Variants in RELN observed in about 807,000 individuals in gnomAD.
RELN encodes reelin.
In RELN, 108 loss-of-function variants were observed where a neutral mutation model predicts 427.6. That is an observed-to-expected ratio of 0.25 (90% CI 0.22 to 0.30). The LOEUF is 0.30. RELN is among the 10% of genes least tolerant of loss of function. RELN has a pLI of 1.00. For synonymous variants in RELN, 1,524 were observed against 1,513.4 expected, an observed-to-expected ratio of 1.01 and a Z score of -0.16; for missense variants, 3,715 against 4,302.8, an observed-to-expected ratio of 0.86 and a Z score of 3.82.
intron 2 of RELN, among the ~76,000 whole-genome samples, chr7:103,892,302 G>A (rs2116594619): frequency 6.6e-6 from 1 of 152,234 alleles, no homozygotes; most frequent in African/African-American, 2.4e-5. Context: ...AAACACCCAT[G>A]ATGGGCTGAT....
At chr7:103,678,905 G>C (rs1833595857) in intron 11 of RELN, among the ~76,000 whole-genome samples, 1 of 152,252 alleles carries the variant, frequency 6.6e-6, no homozygotes, top group South Asian at 2.1e-4. Context: ...TTGTGTGGGT[G>C]GTGGTGGATG....
intron 19 of RELN, among the ~76,000 whole-genome samples, chr7:103,633,347 G>A (rs1211533728): frequency 6.6e-6 from 1 of 151,734 alleles, no homozygotes; most frequent in East Asian, 1.9e-4. Flanking sequence ...TACATGGTTT[G>A]TATTATTTAT....
chr7:103,732,719 A>G (rs1790386009), intron 6 of RELN, among the ~76,000 whole-genome samples: 3 of 152,166 alleles, frequency 2.0e-5, no homozygotes, highest in South Asian at 2.1e-4. Context: ...ACTTAAATGC[A>G]TAAGTGCTCT....
intron 3 of RELN, among the ~76,000 whole-genome samples, chr7:103,783,196 A>C (rs1370441612): frequency 3.6e-5 from 5 of 139,240 alleles, no homozygotes; most frequent in Non-Finnish European, 7.6e-5. Flanking sequence ...AAGTCTCACT[A>C]TGTCACCCAG....
At chr7:103,823,131 G>A (rs1416469120) in intron 3 of RELN, among the ~76,000 whole-genome samples, 2 of 151,814 alleles carry the variant, frequency 1.3e-5, no homozygotes, top group Non-Finnish European at 2.9e-5. Context: ...TACTTATTTT[G>A]TCTGATATTA....
intron 1 of RELN, among the ~76,000 whole-genome samples, chr7:103,935,556 T>A (rs868420629): frequency 6.6e-6 from 1 of 152,086 alleles, no homozygotes; most frequent in Non-Finnish European, 1.5e-5. Flanking sequence ...TATTCCTACT[T>A]CCAGGCAGTT....
In RELN at chr7:103,909,752, T is replaced by TTAA. The variant is rs1554441070; in HGVS notation, c.337+7322_337+7323insTTA. Among the ~76,000 whole-genome samples the TTAA allele has an allele frequency of 6.8e-4, 61 of 89,738 alleles. 5 individuals are homozygous for TTAA. Among genetic ancestry groups the TTAA allele is most frequent in the Non-Finnish European group, 7.6e-4 (41 of 54,260 alleles). The allele number at this position is 89,738 out of a possible 152,430, so 58.9% of individuals were successfully genotyped here. ...ATTTTTTAATATATATAAATATATA[T>TTAA]ATTAAATATATATATTTAATATATA... On this transcript the variant is annotated intron_variant, in intron 2 of 64. Coordinates refer to ENST00000428762, the MANE Select transcript of RELN (RefSeq NM_005045.4).
intron 64 of RELN, among the ~76,000 whole-genome samples, chr7:103,473,379 C>T (rs1827923292): frequency 1.3e-5 from 2 of 152,140 alleles, no homozygotes; most frequent in African/African-American, 4.8e-5. Context: ...AAGAAACAGA[C>T]TGTTAGCTGG....
At chr7:103,546,249 T>G (rs1830294756) in intron 41 of RELN, among the ~76,000 whole-genome samples, 1 of 152,248 alleles carries the variant, frequency 6.6e-6, no homozygotes, top group South Asian at 2.1e-4. Context: ...ATAGAATATG[T>G]GACCTTTTGT....
chr7:103,745,936 CA>C (rs1562987459), intron 6 of RELN, among the ~76,000 whole-genome samples: 1 of 152,134 alleles, frequency 6.6e-6, no homozygotes, highest in African/African-American at 2.4e-5. Context: ...CATATGGAAC[CA>C]AAAAAGAGCT....
intron 2 of RELN, among the ~76,000 whole-genome samples, chr7:103,898,467 A>G (rs1189805418): frequency 6.6e-6 from 1 of 152,056 alleles, no homozygotes; most frequent in East Asian, 1.9e-4. Flanking sequence ...AGATTCACAA[A>G]AGCAAAATAA....
intron 2 of RELN, among the ~76,000 whole-genome samples, chr7:103,890,208 T>C (rs1393276546): frequency 6.6e-6 from 1 of 152,130 alleles, no homozygotes; most frequent in Non-Finnish European, 1.5e-5. Flanking sequence ...CTTTTTTTTT[T>C]TTTTTTAAGG....
At chr7:103,937,820 G>T (rs562436222) in intron 1 of RELN, among the ~76,000 whole-genome samples, 1 of 152,142 alleles carries the variant, frequency 6.6e-6, no homozygotes, top group Non-Finnish European at 1.5e-5. Context: ...TTAGCTGTTC[G>T]TGTAACACAA....
In RELN at chr7:103,706,320, G is replaced by C. The variant is rs78055454; in HGVS notation, c.806-5314C>G. Among the ~76,000 whole-genome samples, 613 of 152,220 alleles carry C rather than the reference G, an allele frequency of 4.0e-3. 1 individual carries two copies. Among genetic ancestry groups the C allele is most frequent in the African/African-American group, 0.014 (595 of 41,514 alleles). ...AGGTCTATACAATTGCTAGAGTGGA[G>C]TTAGAAATTTAATTGTGCAGTTCCA... On this transcript the variant is annotated intron_variant, in intron 8 of 64. Transcript: ENST00000428762.
At chr7:103,792,020 A>G (rs1203682161) in intron 3 of RELN, among the ~76,000 whole-genome samples, 1 of 152,228 alleles carries the variant, frequency 6.6e-6, no homozygotes, top group Non-Finnish European at 1.5e-5. Flanking sequence ...GAAATGAAAT[A>G]CCATTCTACT....
rs1391728645 is a variant in RELN at position 103,535,410 on chromosome 7, C to T, written c.7255G>A (p.Val2419Met). Reference protein sequence around the residue: ...PLVRDCLPTNVECSRYHLQRI... With the variant: ...PLVRDCLPTNMECSRYHLQRI... ...TGCAGATGATAGCGACTGCATTCCA[C>T]ATTGGTAGGCAGACAGTCCCTTACC... Residue 2419 changes from valine (V) to methionine (M), a missense_variant, in exon 46 of 65, where the codon GTG (valine) becomes ATG (methionine). Around this residue, in one of 4 missense-constraint regions of RELN, gnomAD observed 1,310 missense variants for 1,643.0 expected, o/e 0.80. Coordinates refer to ENST00000428762, the MANE Select transcript of RELN (RefSeq NM_005045.4). 1 of 1,613,952 alleles carries T rather than the reference C, an allele frequency of 6.2e-7. No individual in the cohort carries two copies. Among genetic ancestry groups the T allele is most frequent in the Admixed American group, 1.7e-5 (1 of 59,992 alleles).
At chr7:103,928,097 T>C (rs1009319443) in intron 1 of RELN, among the ~76,000 whole-genome samples, 6 of 152,198 alleles carry the variant, frequency 3.9e-5, no homozygotes, top group Non-Finnish European at 8.8e-5. Context: ...CAAACTAAAA[T>C]ATAGATTTTT....
chr7:103,878,364 C>T (rs1013216106), intron 2 of RELN, among the ~76,000 whole-genome samples: 1 of 152,184 alleles, frequency 6.6e-6, no homozygotes, highest in Non-Finnish European at 1.5e-5. Flanking sequence ...TTGATGTCTA[C>T]TTTGATAAAT....
In RELN at chr7:103,723,150, T is replaced by C. The variant is rs749580328; in HGVS notation, c.795A>G (p.Gln265=). 3.1e-5 allele frequency: 49 copies of C among 1,596,400 alleles called. No homozygotes were observed. The highest frequency in any genetic ancestry group is 3.9e-5 in the Non-Finnish European group (45 of 1,164,494). Residue 265 remains glutamine, a synonymous_variant, in exon 8 of 65, where the codon CAA becomes CAG. Coordinates refer to ENST00000428762, the MANE Select transcript of RELN (RefSeq NM_005045.4). The stretch of plus-strand genomic sequence containing the variant: ...CTAAAAAACACTTACCAATGGAAAA[T>C]TGGAGGACAGAAGCTGTTGTTGTAT... The part of the protein sequence containing the change: ...GLNTTTASVL[Q]FSIGSGSCRF...
Sources: gnomAD v4.1 joint callset for allele counts (sites outside exome capture counted in the v4.1 genomes callset) on GRCh38, gnomAD v4.1.1 for gene constraint, gnomAD v4.1.1 regional missense constraint, MANE v1.5 for transcripts, NCBI Gene and HGNC (gene_info 2026-07-23, HGNC 2026-07-21) for gene names.